Variants in XRN1 observed in about 807,000 individuals in gnomAD.
XRN1 encodes 5'-3' exoribonuclease 1.
In XRN1, 67 loss-of-function variants were observed where a neutral mutation model predicts 222.3. That is an observed-to-expected ratio of 0.30 (90% CI 0.25 to 0.37). The LOEUF is 0.37. XRN1 is among the 10% of genes least tolerant of loss of function. The pLI, the probability that XRN1 is intolerant of heterozygous loss-of-function variation, is 1.00. For synonymous variants in XRN1, 643 were observed against 652.4 expected (o/e 0.99, Z 0.22); for missense variants, 1,707 against 2,000.2 (o/e 0.85, Z 2.80).
chr3:142,330,114 T>C (rs927740289), intron 36 of XRN1, among the ~76,000 whole-genome samples: 2 of 152,240 alleles, frequency 1.3e-5, no homozygotes, highest in South Asian at 4.1e-4. Context: ...AATGACTACA[T>C]GGTACTGCTA....
intron 30 of XRN1, 109 bp downstream of exon 30, chr3:142,359,753 C>G: frequency 1.4e-6 from 1 of 727,304 alleles, no homozygotes; most frequent in Non-Finnish European, 2.2e-6. Context: ...GTAGCAAGTA[C>G]GTCTTACACA....
In XRN1 at chr3:142,357,080, G is replaced by A; in HGVS notation, c.3504C>T (p.Ala1168=). 1 of 1,613,502 alleles carries A rather than the reference G, an allele frequency of 6.2e-7. No homozygotes were observed. Among genetic ancestry groups the A allele is most frequent in the Non-Finnish European group, 8.5e-7 (1 of 1,179,790 alleles). The part of the protein sequence containing the change: ...PGRGYRLPTS[A]LVNLSHGSRS... ...GACTCCCATGAGAAAGGTTCACCAA[G>A]GCACTTGTTGGCAGTCGATAACCTC... The change falls in exon 31 of 41, where the codon GCC becomes GCT. Residue 1168 remains alanine, a synonymous_variant. Coordinates refer to ENST00000392981, the MANE Select transcript of XRN1 (RefSeq NM_001282857.2).
At chr3:142,434,092 C>G (rs983992991) in intron 1 of XRN1, among the ~76,000 whole-genome samples, 2 of 152,156 alleles carry the variant, frequency 1.3e-5, no homozygotes, top group African/African-American at 4.8e-5. Flanking sequence ...TCCAAGAAAT[C>G]TGAAAACCTC....
intron 37 of XRN1, among the ~76,000 whole-genome samples, chr3:142,326,504 G>C (rs942819641): frequency 2.8e-4 from 42 of 152,086 alleles, no homozygotes; most frequent in African/African-American, 9.2e-4. Flanking sequence ...TGTTGATTTT[G>C]TATCCTACAA....
chr3:142,404,474 GA>G (rs913261352), intron 16 of XRN1, among the ~76,000 whole-genome samples: 16 of 152,026 alleles, frequency 1.1e-4, no homozygotes, highest in African/African-American at 3.4e-4. Context: ...TTCATGAAGA[GA>G]AAAAAATGGA....
chr3:142,349,848 T>C (rs921103391), intron 32 of XRN1, among the ~76,000 whole-genome samples: 4 of 152,084 alleles, frequency 2.6e-5, no homozygotes, highest in African/African-American at 7.2e-5. Context: ...AACAATGAAA[T>C]AGCACCAAGT....
At position 142,317,705 on chromosome 3, in the gene XRN1, T is replaced by C. The variant is rs556370316; in HGVS notation, c.4621+887A>G. 3.9e-5 allele frequency among the ~76,000 whole-genome samples: 6 copies of C among 152,328 alleles called. No individual in the cohort carries two copies. In the South Asian group the frequency reaches 1.2e-3, roughly 32 times the overall value. On this transcript the variant is annotated intron_variant, in intron 39 of 40. Transcript: ENST00000392981. Reference sequence around the variant, plus strand: ...CACATAGACTTTCAACCAATCCCTCTCTTTTCAGCACATGCCTCCTCTTTA... The same window carrying C: ...CACATAGACTTTCAACCAATCCCTCCCTTTTCAGCACATGCCTCCTCTTTA...
chr3:142,421,271 TTA>T, intron 9 of XRN1, 118 bp from the exon 10 acceptor site: 1 of 1,072,764 alleles, frequency 9.3e-7, no homozygotes. Context: ...TGTTACTCTT[TTA>T]TATATATGGG....
intron 29 of XRN1, among the ~76,000 whole-genome samples, chr3:142,362,631 C>A (rs887554737): frequency 7.5e-6 from 1 of 133,472 alleles, no homozygotes; most frequent in African/African-American, 2.8e-5. Context: ...TGGCCTTTTT[C>A]TTTTTCTTTT....
chr3:142,404,023 T>G, intron 16 of XRN1, 34 bp from the exon 17 acceptor site: 1 of 1,491,972 alleles, frequency 6.7e-7, no homozygotes, highest in Non-Finnish European at 9.3e-7. Flanking sequence ...AATTTAAAAT[T>G]AATACATTAC....
chr3:142,383,371 A>G lies in XRN1; in HGVS notation c.2545T>C (p.Leu849=), dbSNP rs750382646. Residue 849 remains leucine (L), a synonymous_variant, in exon 22 of 41, where the codon TTG becomes CTG. Coordinates refer to ENST00000392981, the MANE Select transcript of XRN1 (RefSeq NM_001282857.2). The stretch of plus-strand genomic sequence containing the variant: ...CTTCTCAGAGGAAACAAATCATCCA[A>G]TGTTTTGATATTGGAGAAACGGGAG... ...FDSRFSNIKT[L]DDLFPLRSMV... The G allele has an allele frequency of 5.0e-6, 8 of 1,613,936 alleles. No homozygotes were observed. Among genetic ancestry groups the G allele is most frequent in the Non-Finnish European group, 6.8e-6 (8 of 1,179,974 alleles).
intron 2 of XRN1, 88 bp from the exon 3 acceptor site, chr3:142,426,929 C>A: frequency 1.1e-6 from 1 of 931,354 alleles, no homozygotes; most frequent in Non-Finnish European, 1.7e-6. Flanking sequence ...GCCTTTATAA[C>A]TAAAATAGTA....
chr3:142,344,001 CAT>C (rs927831133), intron 33 of XRN1, among the ~76,000 whole-genome samples: 11 of 146,148 alleles, frequency 7.5e-5, no homozygotes, highest in South Asian at 2.2e-4. Context: ...ACAAATTTCA[CAT>C]GTTTTCATTT....
At chr3:142,443,103 G>C (rs1020357515) in intron 1 of XRN1, among the ~76,000 whole-genome samples, 1 of 152,060 alleles carries the variant, frequency 6.6e-6, no homozygotes, top group Non-Finnish European at 1.5e-5. Flanking sequence ...ACTACAAATC[G>C]TTCTTCAAAT....
At chr3:142,429,144 C>CTTT (rs199947503) in intron 2 of XRN1, among the ~76,000 whole-genome samples, 59 of 120,082 alleles carry the variant, frequency 4.9e-4, no homozygotes, top group African/African-American at 6.3e-4. Flanking sequence ...TAGCCATAAT[C>CTTT]TTTTTTTTTT....
At chr3:142,326,567 T>C (rs904248086) in intron 37 of XRN1, among the ~76,000 whole-genome samples, 1 of 152,114 alleles carries the variant, frequency 6.6e-6, no homozygotes, top group African/African-American at 2.4e-5. Flanking sequence ...AAGATTATAT[T>C]GTCTACTAAC....
rs189456127 is a variant in XRN1 at position 142,371,419 on chromosome 3, A to G, written c.2979-91T>C. ...TAATAATTTCAGATCCTAAAGAAAC[A>G]TATAAAGCTTATTGAGGACTACTAT... On this transcript the variant is annotated intron_variant, in intron 25 of 40. Transcript: ENST00000392981. 61 of 935,598 alleles carry G rather than the reference A, an allele frequency of 6.5e-5. No homozygotes were observed. In the African/African-American group the frequency reaches 7.9e-4, roughly 12 times the overall value. 58.0% of individuals were successfully genotyped at this position (935,598 alleles called of 1,614,324 possible).
chr3:142,431,895 A>ATAATATACTG (rs1559879613), intron 2 of XRN1, among the ~76,000 whole-genome samples: 1 of 32,420 alleles, frequency 3.1e-5, no homozygotes, highest in African/African-American at 1.6e-4. Context: ...TATATATAAT[A>ATAATATACTG]TATATATTAT....
intron 2 of XRN1, among the ~76,000 whole-genome samples, chr3:142,431,904 A>T (rs1205476019): frequency 2.8e-5 from 1 of 35,398 alleles, no homozygotes; most frequent in African/African-American, 1.8e-4. Context: ...TATATATATT[A>T]TATATATAAA....
Sources: gnomAD v4.1 joint callset for allele counts (sites outside exome capture counted in the v4.1 genomes callset) on GRCh38, gnomAD v4.1.1 for gene constraint, MANE v1.5 for transcripts, NCBI Gene and HGNC (gene_info 2026-07-23, HGNC 2026-07-21) for gene names.